Variants in KIF26B observed in about 807,000 individuals in gnomAD.
The protein encoded by KIF26B is kinesin family member 26B.
In KIF26B, 63 loss-of-function variants were observed where a neutral mutation model predicts 151.2. The ratio of observed to expected loss-of-function variants is 0.42; its 90% CI spans 0.34 to 0.51. The LOEUF is 0.51. Ranked by LOEUF, KIF26B falls within the 20% of genes least tolerant of loss-of-function variation. The pLI, the probability that KIF26B is intolerant of heterozygous loss-of-function variation, is 0.07. For missense variants in KIF26B, 2,813 were observed against 2,913.6 expected (o/e 0.97, Z 0.79); for synonymous variants, 1,357 against 1,262.1 (o/e 1.08, Z -1.59).
chr1:245,379,799 C>T (rs915141388), intron 3 of KIF26B, among the ~76,000 whole-genome samples: 4 of 151,802 alleles, frequency 2.6e-5, no homozygotes, highest in East Asian at 1.9e-4. Context: ...GCTGAAACCC[C>T]GTCTCTACTA....
At chr1:245,555,595 C>T (rs1662002347) in intron 5 of KIF26B, among the ~76,000 whole-genome samples, 1 of 152,042 alleles carries the variant, frequency 6.6e-6, no homozygotes, top group Admixed American at 6.6e-5. Flanking sequence ...GGAGCATCTG[C>T]CTGTGTGGAA....
intron 3 of KIF26B, among the ~76,000 whole-genome samples, chr1:245,371,061 C>G (rs1379164057): frequency 6.6e-6 from 1 of 152,232 alleles, no homozygotes; most frequent in East Asian, 1.9e-4. Flanking sequence ...AACCAAGATT[C>G]ACACAAGCCA....
chr1:245,396,691 G>A lies in KIF26B; in HGVS notation c.1000-22888G>A, dbSNP rs141607771. Among the ~76,000 whole-genome samples the A allele has an allele frequency of 3.4e-3, 511 of 151,862 alleles. 3 individuals carry two copies. Among genetic ancestry groups the A allele is most frequent in the African/African-American group, 0.012 (497 of 41,442 alleles). On this transcript the variant is annotated intron_variant, in intron 3 of 14. Coordinates refer to ENST00000407071, the MANE Select transcript of KIF26B (RefSeq NM_018012.4). ...ACAACTATTTGACTTTTGCTTTAGC[G>A]TCTGCTATGAACCATGAATATAGAT...
At position 245,419,576 on chromosome 1, in the gene KIF26B, C is replaced by G; in HGVS notation, c.1000-3C>G. The G allele has an allele frequency of 6.2e-7, 1 of 1,605,214 alleles. No homozygotes were observed. The highest frequency in any genetic ancestry group is 8.5e-7 in the Non-Finnish European group (1 of 1,175,026). ...TGAGCTCCGTATCCATTTTCTTTGT[C>G]AGATCTCCCAGCTGATGACAGAGAG... On this transcript the variant is annotated splice_region_variant and splice_polypyrimidine_tract_variant and intron_variant, in intron 3 of 14. Coordinates refer to ENST00000407071, the MANE Select transcript of KIF26B (RefSeq NM_018012.4).
chr1:245,200,282 A>C (rs1314098474), intron 2 of KIF26B, among the ~76,000 whole-genome samples: 1 of 152,214 alleles, frequency 6.6e-6, no homozygotes. Flanking sequence ...GAATTTCATG[A>C]ACTGCTCTTT....
rs751811429 is a variant in KIF26B at position 245,686,547 on chromosome 1, G to A, written c.3564G>A (p.Leu1188=). The A allele has an allele frequency of 5.6e-6, 9 of 1,613,028 alleles. No individual in the cohort carries two copies. The highest frequency in any genetic ancestry group is 7.6e-6 in the Non-Finnish European group (9 of 1,179,858). The change falls in exon 12 of 15, where the codon CTG becomes CTA. Residue 1188 remains leucine, a synonymous_variant. Transcript: ENST00000407071. The surrounding 1 kb of genome is among the most constrained non-coding windows in gnomAD (Gnocchi z 5.6). ...QPLELNGEDE[L]VFTLVEELTI... ...TGGAGCTGAACGGTGAGGACGAGCT[G>A]GTGTTCACGCTGGTGGAGGAGCTGA...
chr1:245,577,511 G>A (rs1558221885), intron 5 of KIF26B, among the ~76,000 whole-genome samples: 1 of 152,354 alleles, frequency 6.6e-6, no homozygotes, highest in East Asian at 1.9e-4. Context: ...CAACAGCATG[G>A]AAGAGCTTTG....
In KIF26B at chr1:245,563,893, C is replaced by T. The variant is rs910790019; in HGVS notation, c.1350+22943C>T. On this transcript the variant is annotated intron_variant, in intron 5 of 14. Transcript: ENST00000407071. This position sits in a 1 kb window ranked among gnomAD's most constrained non-coding sequence, Gnocchi z 4.6. ...GCTCTCCTCCTCGGGTCAGGCCTGC[C>T]GACCCTGCACTACAGGTTCCTTTTT... Among the ~76,000 whole-genome samples, 2 of 152,062 alleles carry T rather than the reference C, an allele frequency of 1.3e-5. No individual in the cohort carries two copies. Among genetic ancestry groups the T allele is most frequent in the Admixed American group, 6.6e-5 (1 of 15,260 alleles).
chr1:245,316,558 G>A (rs1337209440), intron 2 of KIF26B, among the ~76,000 whole-genome samples: 4 of 151,308 alleles, frequency 2.6e-5, no homozygotes, highest in Admixed American at 6.6e-5. Context: ...AATCATCATC[G>A]GCCTCTTTTA....
In KIF26B at chr1:245,688,133, C is replaced by A; in HGVS notation, c.5150C>A (p.Ser1717Ter). Residue 1717 changes from serine to a stop codon, truncating the protein, a stop_gained, in exon 12 of 15, where the codon TCG becomes TAG. Coordinates refer to ENST00000407071, the MANE Select transcript of KIF26B (RefSeq NM_018012.4). LOFTEE classifies it high-confidence loss of function. ...GRSLGRSAGTSPPSSGASPKA... is the reference protein window; with the variant it reads ...GRSLGRSAGT ...AGCCTGGGCCGCAGCGCCGGGACCTCGCCCCCCAGCTCCGGGGCCTCGCCC... is the reference window on the plus strand; with the variant it reads ...AGCCTGGGCCGCAGCGCCGGGACCTAGCCCCCCAGCTCCGGGGCCTCGCCC... 6.3e-7 allele frequency: 1 copy of A among 1,586,500 alleles called. No homozygotes were observed. Among genetic ancestry groups the A allele is most frequent in the Admixed American group, 1.7e-5 (1 of 57,972 alleles).
chr1:245,363,464 G>A (rs183718613), intron 2 of KIF26B, among the ~76,000 whole-genome samples: 1 of 152,302 alleles, frequency 6.6e-6, no homozygotes, highest in East Asian at 1.9e-4. Context: ...CCAAAGTGCT[G>A]GGGTTACAGG....
At chr1:245,547,318 C>G (rs187076144) in intron 5 of KIF26B, among the ~76,000 whole-genome samples, 37 of 152,320 alleles carry the variant, frequency 2.4e-4, no homozygotes, top group African/African-American at 7.0e-4. Context: ...GGCATGGTGG[C>G]TCACGTCTGT....
intron 2 of KIF26B, among the ~76,000 whole-genome samples, chr1:245,349,718 G>T (rs1039382075): frequency 5.3e-5 from 8 of 152,136 alleles, no homozygotes; most frequent in Non-Finnish European, 1.2e-4. Context: ...TATACTATTT[G>T]CAGAAAAAGC....
At chr1:245,303,356 G>A (rs556024199) in intron 2 of KIF26B, among the ~76,000 whole-genome samples, 11 of 151,094 alleles carry the variant, frequency 7.3e-5, no homozygotes, top group South Asian at 6.3e-4. Context: ...CCGCCACCAC[G>A]CCCGGCTAAT....
At chr1:245,391,978 G>A (rs1437191011) in intron 3 of KIF26B, among the ~76,000 whole-genome samples, 1 of 151,406 alleles carries the variant, frequency 6.6e-6, no homozygotes, top group Non-Finnish European at 1.5e-5. Context: ...TCCTATGCTG[G>A]AACATTTCGA....
At chr1:245,627,905 C>T (rs996297010) in intron 9 of KIF26B, among the ~76,000 whole-genome samples, 1 of 152,294 alleles carries the variant, frequency 6.6e-6, no homozygotes, top group Middle Eastern at 3.4e-3. Flanking sequence ...TTCCTGGACA[C>T]ATACACCCTC....
chr1:245,226,479 TAC>T (rs1303640915), intron 2 of KIF26B, among the ~76,000 whole-genome samples: 1 of 151,944 alleles, frequency 6.6e-6, no homozygotes, highest in East Asian at 1.9e-4. Context: ...TGTTTTTTTG[TAC>T]ACACAGTTTT....
intron 2 of KIF26B, among the ~76,000 whole-genome samples, chr1:245,165,513 A>G (rs969539881): frequency 2.0e-5 from 3 of 152,070 alleles, no homozygotes; most frequent in African/African-American, 7.2e-5. Context: ...TGAGGTGGAG[A>G]TATGGATCTG....
At chr1:245,319,411 G>A (rs1318319555) in intron 2 of KIF26B, among the ~76,000 whole-genome samples, 1 of 152,166 alleles carries the variant, frequency 6.6e-6, no homozygotes, top group African/African-American at 2.4e-5. Context: ...CTGACAAACA[G>A]CCATCAACAC....
Sources: allele counts gnomAD v4.1 joint callset (sites outside exome capture counted in the v4.1 genomes callset), GRCh38; gene constraint gnomAD v4.1.1; non-coding constraint Gnocchi (gnomAD v3.1); transcripts MANE v1.5; gene names NCBI Gene and HGNC (gene_info 2026-07-23, HGNC 2026-07-21).